Variants in GRIN2D observed in about 807,000 individuals in gnomAD.
GRIN2D encodes the protein glutamate receptor ionotropic, NMDA 2D.
In GRIN2D, 37 loss-of-function variants were observed where a neutral mutation model predicts 103.2. That is an observed-to-expected ratio of 0.36 (90% CI 0.28 to 0.47). The LOEUF (loss-of-function observed/expected upper bound fraction) is 0.47. Ranked by LOEUF, GRIN2D falls within the 20% of genes least tolerant of loss-of-function variation. The probability of loss-of-function intolerance (pLI) is 1.00; values close to 1 mark genes in which losing one functional copy is unlikely to be tolerated. For missense variants in GRIN2D, 1,557 were observed against 1,910.6 expected, an observed-to-expected ratio of 0.81 and a Z score of 3.45; for synonymous variants, 845 against 885.6, an observed-to-expected ratio of 0.95 and a Z score of 0.81.
chr19:48,411,481 C>G (rs1970859753), intron 4 of GRIN2D, among the ~76,000 whole-genome samples: 1 of 151,800 alleles, frequency 6.6e-6, no homozygotes, highest in African/African-American at 2.4e-5. Context: ...GAAACCCTGT[C>G]TCTACTAAAA....
chr19:48,396,010 T>G (rs909266248), intron 2 of GRIN2D, among the ~76,000 whole-genome samples: 12 of 151,908 alleles, frequency 7.9e-5, no homozygotes, highest in African/African-American at 2.9e-4. Context: ...CCAGAAGGAC[T>G]CCTGGGTCTT....
chr19:48,430,710 C>A (rs771816091), intron 11 of GRIN2D, among the ~76,000 whole-genome samples: 52 of 151,992 alleles, frequency 3.4e-4, no homozygotes, highest in Non-Finnish European at 5.9e-4. Flanking sequence ...TAATTCAAAC[C>A]CAAATTATCT....
chr19:48,404,240 CAAA>C (rs34530972), intron 3 of GRIN2D, among the ~76,000 whole-genome samples: 6 of 116,728 alleles, frequency 5.1e-5, no homozygotes, highest in Admixed American at 8.5e-5. Context: ...AATTCCATCT[CAAA>C]AAAAAAAAAA....
chr19:48,402,115 GGAAAGAAAGAAAGAAAGAAA>G lies in GRIN2D; in HGVS notation c.466-2584_466-2565del, dbSNP rs201781099. ...ACTTGAAAGAAAGAGAGAAAGAGAA[GGAAAGAAAGAAAGAAAGAAA>G]GAAAGAAAGAAAGAAAGAAAGAAAG... On this transcript the variant is annotated intron_variant, in intron 3 of 13. Transcript: ENST00000263269. Among the ~76,000 whole-genome samples the G allele has an allele frequency of 1.6e-3, 141 of 88,058 alleles. 2 individuals carry two copies. The East Asian group carries it at 0.061, about 38-fold the overall frequency. 57.8% of individuals were successfully genotyped at this position (88,058 alleles called of 152,430 possible).
At position 48,400,193 on chromosome 19, in the gene GRIN2D, T is replaced by C. The variant is rs191136400; in HGVS notation, c.465+1336T>C. On this transcript the variant is annotated intron_variant, in intron 3 of 13. Coordinates refer to ENST00000263269, the MANE Select transcript of GRIN2D (RefSeq NM_000836.4). ...GGACCTCTGGTAGAGAAGGAGAGAA[T>C]TGGACCAAGCCTGCTCTGTGGATTG... is the stretch of plus-strand genomic sequence containing the variant. Among the ~76,000 whole-genome samples, 3 of 151,508 alleles carry C rather than the reference T, an allele frequency of 2.0e-5. No individual in the cohort carries two copies. In the East Asian group the frequency reaches 5.9e-4, roughly 30 times the overall value.
intron 11 of GRIN2D, among the ~76,000 whole-genome samples, chr19:48,436,628 C>G (rs1447847506): frequency 1.3e-5 from 2 of 152,206 alleles, no homozygotes; most frequent in African/African-American, 4.8e-5. Context: ...GAATTCCTTC[C>G]CAAAGTTGGT....
intron 11 of GRIN2D, among the ~76,000 whole-genome samples, chr19:48,433,735 T>A (rs896308302): frequency 7.2e-5 from 11 of 152,128 alleles, no homozygotes; most frequent in African/African-American, 2.7e-4. Context: ...TAAGCATTAT[T>A]TTTTTTTCTT....
chr19:48,429,110 A>G (rs372919457), intron 11 of GRIN2D, among the ~76,000 whole-genome samples: 1 of 152,256 alleles, frequency 6.6e-6, no homozygotes. Context: ...CTTCTGCTGA[A>G]TTCTTTTTCT....
Position 48,405,374 on chromosome 19 carries a change from AG to A in GRIN2D, c.1085+25del, listed in dbSNP as rs34833452. 0.2 allele frequency: 314,083 copies of A among 1,540,312 alleles called. 36,889 individuals are homozygous for A. The highest frequency in any genetic ancestry group is 0.48 in the African/African-American group (35,286 of 73,472). On this transcript the variant is annotated intron_variant, in intron 4 of 13. Transcript: ENST00000263269. This position sits in a 1 kb window ranked among gnomAD's most constrained non-coding sequence, Gnocchi z 5.1. ...CATAGGTGAGTGGGGCTGGAATGGG[AG>A]GGGTGTGGGAGGGCTCCCAGAGCCT... is the stretch of plus-strand genomic sequence containing the variant.
chr19:48,409,313 C>T (rs532234498), intron 4 of GRIN2D, among the ~76,000 whole-genome samples: 28 of 127,786 alleles, frequency 2.2e-4, no homozygotes, highest in South Asian at 7.5e-4. Context: ...AAGTCTCACT[C>T]TGTTGCCCAG....
chr19:48,441,254 T>C (rs546677437), intron 11 of GRIN2D, among the ~76,000 whole-genome samples: 32 of 151,106 alleles, frequency 2.1e-4, no homozygotes, highest in Middle Eastern at 3.4e-3. Flanking sequence ...TCCCAGCTAC[T>C]TGGGAGGCTG....
At chr19:48,440,749 C>A (rs957864126) in intron 11 of GRIN2D, among the ~76,000 whole-genome samples, 1 of 152,058 alleles carries the variant, frequency 6.6e-6, no homozygotes, top group Admixed American at 6.5e-5. Context: ...TGCAGTGGCT[C>A]GATTTTGGCT....
intron 11 of GRIN2D, among the ~76,000 whole-genome samples, chr19:48,441,025 T>C (rs1971284780): frequency 6.6e-6 from 1 of 152,046 alleles, no homozygotes; most frequent in South Asian, 2.1e-4. Flanking sequence ...GTAAATGGAC[T>C]CTTTGGAGGG....
intron 11 of GRIN2D, among the ~76,000 whole-genome samples, chr19:48,438,343 G>A (rs1971256087): frequency 7.8e-6 from 1 of 128,292 alleles, no homozygotes; most frequent in Non-Finnish European, 1.5e-5. Context: ...CTGTCGCCCA[G>A]GCTGGAGTGT....
At chr19:48,422,012 C>A in intron 11 of GRIN2D, 67 bp downstream of exon 11, 1 of 1,501,690 alleles carries the variant, frequency 6.7e-7, no homozygotes, top group Non-Finnish European at 9.2e-7. Context: ...TCAAAGATGG[C>A]AAGGGGTCCA....
At chr19:48,434,099 C>T (rs76653091) in intron 11 of GRIN2D, among the ~76,000 whole-genome samples, 423 of 151,978 alleles carry the variant, frequency 2.8e-3, no homozygotes, top group African/African-American at 9.6e-3. Context: ...CAGGCGCCCG[C>T]CACCTCATCC....
Position 48,443,224 on chromosome 19 carries a change from C to T in GRIN2D, c.3298C>T (p.Pro1100Ser), listed in dbSNP as rs1246077605. The T allele has an allele frequency of 1.7e-5, 23 of 1,334,874 alleles. No individual in the cohort carries two copies. The highest frequency in any genetic ancestry group is 2.0e-5 in the Non-Finnish European group (21 of 1,030,442). 82.7% of individuals were successfully genotyped at this position (1,334,874 alleles called of 1,614,324 possible). The change falls in exon 14 of 14, where the codon CCG (proline) becomes TCG (serine). Residue 1100 changes from proline to serine, a missense_variant. Around this residue, in one of 7 missense-constraint regions of GRIN2D, gnomAD observed 632 missense variants for 572.8 expected, o/e 1.10. Transcript: ENST00000263269. This position sits in a 1 kb window ranked among gnomAD's most constrained non-coding sequence, Gnocchi z 8.9. ...CGCTCCGCCCCCGTGCCGCGCCGCG[C>T]CGCCCCCGTGCCCTTACCTCGATCT... ...PAAPPPCRAA[P>S]PPCPYLDLEP...
chr19:48,416,115 G>A lies in GRIN2D; in HGVS notation c.1695G>A (p.Val565=), dbSNP rs2147452728. The A allele has an allele frequency of 6.2e-7, 1 of 1,613,972 alleles. No individual in the cohort carries two copies. The highest frequency in any genetic ancestry group is 8.5e-7 in the Non-Finnish European group (1 of 1,179,966). The change falls in exon 8 of 14, where the codon GTG becomes GTA. Residue 565 remains valine, a synonymous_variant. Coordinates refer to ENST00000263269, the MANE Select transcript of GRIN2D (RefSeq NM_000836.4). ...TGGAGACCGGCATCAGCGTCATGGT[G>A]GCGCGCAGCAATGGCACGGTGTCCC... ...PFVETGISVM[V]ARSNGTVSPS...
chr19:48,422,021 CAGGTTCATTCATT>C, intron 11 of GRIN2D, 76 bp downstream of exon 11: 1 of 1,441,474 alleles, frequency 6.9e-7, no homozygotes. Flanking sequence ...GCAAGGGGTC[CAGGTTCATTCATT>C]CAGTCCCAGA....
Sources: allele counts gnomAD v4.1 joint callset (sites outside exome capture counted in the v4.1 genomes callset), GRCh38; gene constraint gnomAD v4.1.1; regional missense constraint gnomAD v4.1.1; non-coding constraint Gnocchi (gnomAD v3.1); transcripts MANE v1.5; gene names NCBI Gene and HGNC (gene_info 2026-07-23, HGNC 2026-07-21).